Variants in POLR3B observed in about 807,000 individuals in gnomAD.
POLR3B encodes the protein DNA-directed RNA polymerase III subunit RPC2.
POLR3B carries 96 observed loss-of-function variants against 147.4 expected under a neutral mutation model. The observed-to-expected ratio is 0.65, with a 90% CI of 0.55 to 0.77. The LOEUF is 0.77. Ranked by LOEUF, POLR3B falls within the 30% of genes least tolerant of loss-of-function variation. The pLI is 0.00. For synonymous variants in POLR3B, 461 were observed against 485.9 expected (o/e 0.95, Z 0.67); for missense variants, 1,036 against 1,413.5 (o/e 0.73, Z 4.28).
At chr12:106,400,105 C>G (rs1022081099) in intron 10 of POLR3B, among the ~76,000 whole-genome samples, 1 of 152,132 alleles carries the variant, frequency 6.6e-6, no homozygotes, top group Non-Finnish European at 1.5e-5. Context: ...GGTGCAGAGA[C>G]ACACATAGGC....
intron 27 of POLR3B, among the ~76,000 whole-genome samples, chr12:106,507,218 T>C (rs1302109396): frequency 6.6e-6 from 1 of 152,286 alleles, no homozygotes; most frequent in East Asian, 1.9e-4. Flanking sequence ...TTTTGCTACC[T>C]TTGCCCTAAA....
At chr12:106,390,201 G>C (rs2036894926) in intron 9 of POLR3B, among the ~76,000 whole-genome samples, 1 of 142,312 alleles carries the variant, frequency 7.0e-6, no homozygotes, top group South Asian at 2.2e-4. Context: ...CTGGGCAACA[G>C]AGTAAGACTC....
intron 23 of POLR3B, among the ~76,000 whole-genome samples, chr12:106,471,226 C>T (rs560175653): frequency 3.9e-5 from 6 of 152,292 alleles, no homozygotes; most frequent in Non-Finnish European, 5.9e-5. Context: ...CAGACTGCTG[C>T]GCTAACAGTG....
intron 19 of POLR3B, among the ~76,000 whole-genome samples, chr12:106,446,724 A>G (rs1009485095): frequency 2.0e-5 from 3 of 152,190 alleles, no homozygotes; most frequent in Non-Finnish European, 4.4e-5. Flanking sequence ...AGGAAGACAA[A>G]AGCCACTGAA....
At chr12:106,428,560 T>C (rs960677801) in intron 13 of POLR3B, among the ~76,000 whole-genome samples, 1 of 152,206 alleles carries the variant, frequency 6.6e-6, no homozygotes, top group Non-Finnish European at 1.5e-5. Context: ...ACAAATTCTC[T>C]TGCTGAACAT....
intron 1 of POLR3B, among the ~76,000 whole-genome samples, chr12:106,361,879 A>G (rs1472705917): frequency 6.6e-6 from 1 of 152,192 alleles, no homozygotes; most frequent in Non-Finnish European, 1.5e-5. Context: ...GGCATGGCCA[A>G]ATACTGTGGA....
intron 11 of POLR3B, among the ~76,000 whole-genome samples, chr12:106,409,897 T>G (rs998715176): frequency 6.6e-6 from 1 of 152,142 alleles, no homozygotes; most frequent in Non-Finnish European, 1.5e-5. Flanking sequence ...CTACTTCAGT[T>G]TTTTTGTCTC....
At chr12:106,413,953 A>G (rs773816065) in intron 12 of POLR3B, among the ~76,000 whole-genome samples, 2 of 151,960 alleles carry the variant, frequency 1.3e-5, no homozygotes, top group African/African-American at 2.4e-5. Context: ...TTATGATGAA[A>G]ATTCTGAAAC....
intron 12 of POLR3B, among the ~76,000 whole-genome samples, chr12:106,420,323 C>T (rs927992726): frequency 6.6e-6 from 1 of 152,168 alleles, no homozygotes; most frequent in Admixed American, 6.6e-5. Context: ...CTTGGGTTCT[C>T]TCCTTTATGG....
intron 24 of POLR3B, chr12:106,496,465 T>G (rs1026257963): frequency 1.7e-6 from 1 of 597,192 alleles, no homozygotes; most frequent in Non-Finnish European, 3.0e-6. Context: ...AGTGATTATT[T>G]TTAGTGATCC....
In POLR3B at chr12:106,437,735, A is replaced by G. The variant is rs1448670266; in HGVS notation, c.1911A>G (p.Glu637=). The G allele has an allele frequency of 3.1e-6, 5 of 1,604,032 alleles. No individual in the cohort carries two copies. In the African/African-American group the frequency reaches 4.0e-5, roughly 13 times the overall value. The change falls in exon 18 of 28, where the codon GAA becomes GAG. Residue 637 remains glutamate, a synonymous_variant. Transcript: ENST00000228347. The part of the protein sequence containing the change: ...ESLVEYLDVN[E]ENDCNIALYE... ...TGGTTGAATATTTAGATGTGAATGAAGAAAATGATTGTAACATTGCACTGT... is the reference window on the plus strand; with the variant it reads ...TGGTTGAATATTTAGATGTGAATGAGGAAAATGATTGTAACATTGCACTGT...
At chr12:106,411,108 A>G (rs2037220415) in intron 12 of POLR3B, 148 bp downstream of exon 12, 3 of 694,028 alleles carry the variant, frequency 4.3e-6, no homozygotes, top group Non-Finnish European at 4.9e-6. Context: ...ATCTCCTAGA[A>G]TTCCTTTAAC....
At chr12:106,450,764 T>G (rs1043026560) in intron 19 of POLR3B, among the ~76,000 whole-genome samples, 13 of 152,186 alleles carry the variant, frequency 8.5e-5, no homozygotes, top group Non-Finnish European at 1.8e-4. Context: ...AGTGGTATAA[T>G]CACTCTGGAA....
Position 106,509,648 on chromosome 12 carries a change from C to A in POLR3B, c.*99C>A. On this transcript the variant is annotated 3_prime_UTR_variant, in exon 28 of 28. Coordinates refer to ENST00000228347, the MANE Select transcript of POLR3B (RefSeq NM_018082.6). ...TACGTCTCCTCCTGTGAAGAATTCC[C>A]TTGCGTATTCTCTCTCTAAAACAAC... 9.1e-7 allele frequency: 1 copy of A among 1,093,678 alleles called. No individual in the cohort carries two copies. Among genetic ancestry groups the A allele is most frequent in the East Asian group, 2.6e-5 (1 of 38,934 alleles). The allele number at this position is 1,093,678 out of a possible 1,614,324, so 67.7% of individuals were successfully genotyped here.
chr12:106,400,532 G>GC (rs2037047305), intron 10 of POLR3B, among the ~76,000 whole-genome samples: 2 of 152,128 alleles, frequency 1.3e-5, no homozygotes, highest in South Asian at 4.1e-4. Context: ...ATTCTTTTCA[G>GC]CACCACACCA....
At chr12:106,471,342 G>C (rs141303973) in intron 23 of POLR3B, among the ~76,000 whole-genome samples, 1 of 152,160 alleles carries the variant, frequency 6.6e-6, no homozygotes, top group African/African-American at 2.4e-5. Flanking sequence ...TTGGGCAGGA[G>C]TGTACCTCTT....
chr12:106,403,391 A>C (rs2037100445), intron 10 of POLR3B, among the ~76,000 whole-genome samples: 1 of 149,966 alleles, frequency 6.7e-6, no homozygotes, highest in Non-Finnish European at 1.5e-5. Context: ...CCATTGTGGA[A>C]GTCAGTGTGG....
intron 23 of POLR3B, among the ~76,000 whole-genome samples, chr12:106,483,733 G>C (rs1321465669): frequency 2.0e-5 from 3 of 152,174 alleles, no homozygotes; most frequent in Non-Finnish European, 2.9e-5. Context: ...GCACTGCTCT[G>C]ATAGTTTTCT....
intron 22 of POLR3B, among the ~76,000 whole-genome samples, chr12:106,463,161 G>A (rs969917806): frequency 6.6e-6 from 1 of 152,178 alleles, no homozygotes; most frequent in African/African-American, 2.4e-5. Context: ...TCCACTTTGT[G>A]TGAGTCATGT....
Sources: allele counts gnomAD v4.1 joint callset (sites outside exome capture counted in the v4.1 genomes callset), GRCh38; gene constraint gnomAD v4.1.1; transcripts MANE v1.5; gene names NCBI Gene and HGNC (gene_info 2026-07-23, HGNC 2026-07-21).